The following ESRP1 variants were observed in gnomAD, a reference collection of about 807,000 sequenced individuals.
The protein encoded by ESRP1 is epithelial splicing regulatory protein 1.
In ESRP1, 33 loss-of-function variants were observed where a neutral mutation model predicts 81.7. The observed-to-expected ratio is 0.40, with a 90% confidence interval of 0.31 to 0.54. The LOEUF (loss-of-function observed/expected upper bound fraction) is 0.54. Ranked by LOEUF, ESRP1 falls within the 20% of genes least tolerant of loss-of-function variation. The probability of loss-of-function intolerance (pLI) is 0.41; values close to 1 mark genes in which losing one functional copy is unlikely to be tolerated. For synonymous variants in ESRP1, 320 were observed against 303.3 expected (o/e 1.06, Z -0.57); for missense variants, 672 against 833.1 (o/e 0.81, Z 2.38).
intron 10 of ESRP1, among the ~76,000 whole-genome samples, chr8:94,669,250 T>A (rs947174733): frequency 6.6e-6 from 1 of 152,330 alleles, no homozygotes; most frequent in African/African-American, 2.4e-5. Flanking sequence ...GTAGCATAAA[T>A]GGTATAGACT....
chr8:94,641,771 C>A, intron 1 of ESRP1, 185 bp from the exon 2 acceptor site: 1 of 872,612 alleles, frequency 1.1e-6, no homozygotes, highest in Non-Finnish European at 1.6e-6. Context: ...CTTTTCCGAC[C>A]TATCGGGTGG....
At chr8:94,695,040 C>G (rs1427355731) in intron 14 of ESRP1, among the ~76,000 whole-genome samples, 1 of 152,144 alleles carries the variant, frequency 6.6e-6, no homozygotes, top group African/African-American at 2.4e-5. Flanking sequence ...TTACATAAAA[C>G]GTGTATTTTC....
intron 4 of ESRP1, among the ~76,000 whole-genome samples, chr8:94,660,919 C>A (rs922712393): frequency 1.3e-5 from 2 of 152,074 alleles, no homozygotes; most frequent in African/African-American, 2.4e-5. Flanking sequence ...GCCATCCCAA[C>A]GTTTAGCAAC....
At position 94,656,344 on chromosome 8, in the gene ESRP1, G is replaced by A. The variant is rs534362160; in HGVS notation, c.491-5928G>A. 5 of 152,172 alleles carry A rather than the reference G, an allele frequency of 3.3e-5. No individual in the cohort carries two copies. The East Asian group carries it at 7.7e-4, about 24-fold the overall frequency. 9.4% of individuals were successfully genotyped at this position (152,172 alleles called of 1,614,324 possible). A position where few individuals can be genotyped will look rare whatever the true frequency, so the allele number is the denominator to read the frequency against. On this transcript the variant is annotated intron_variant, in intron 4 of 15. Transcript: ENST00000433389. ...AGCCATTCTCCTGCCTCAGCCTCCC[G>A]AGTAGCTGGGACTACAGGCGCGTGC... is the stretch of plus-strand genomic sequence containing the variant.
At chr8:94,643,239 G>T in intron 2 of ESRP1, 64 bp from the exon 3 acceptor site, 4 of 1,132,386 alleles carry the variant, frequency 3.5e-6, no homozygotes, top group Non-Finnish European at 5.3e-6. Flanking sequence ...ACCAAGGGGA[G>T]CTACTTTGCA....
intron 10 of ESRP1, among the ~76,000 whole-genome samples, chr8:94,669,875 A>C (rs1449463049): frequency 1.3e-5 from 1 of 77,594 alleles, no homozygotes; most frequent in South Asian, 3.6e-4. Flanking sequence ...TCCCGCTACC[A>C]AAAAAAAAAA....
chr8:94,675,159 A>C (rs2130652134), intron 12 of ESRP1, among the ~76,000 whole-genome samples: 1 of 142,498 alleles, frequency 7.0e-6, no homozygotes, highest in South Asian at 2.6e-4. Context: ...GAGGGGAATA[A>C]GCCCTGTAGT....
At chr8:94,690,707 C>T (rs72676941) in intron 13 of ESRP1, among the ~76,000 whole-genome samples, 5,726 of 152,094 alleles carry the variant, frequency 0.038, 177 homozygotes, top group Middle Eastern at 0.065. Context: ...TACTAGAGAC[C>T]TCAGGCTTAA....
chr8:94,646,138 G>T, intron 3 of ESRP1, 30 bp from the exon 4 acceptor site: 1 of 1,335,706 alleles, frequency 7.5e-7, no homozygotes, highest in Non-Finnish European at 1.1e-6. Flanking sequence ...AATTCACCTA[G>T]TTAACATTAT....
Position 94,705,902 on chromosome 8 carries a change from ACTTTT to A in ESRP1, c.*36-22_*36-18del. 1 of 1,207,576 alleles carries A rather than the reference ACTTTT, an allele frequency of 8.3e-7. No homozygotes were observed. Among genetic ancestry groups the A allele is most frequent in the Admixed American group, 3.4e-5 (1 of 29,544 alleles). 74.8% of individuals were successfully genotyped at this position (1,207,576 alleles called of 1,614,324 possible). On this transcript the variant is annotated intron_variant, in intron 15 of 15. Coordinates refer to ENST00000433389, the MANE Select transcript of ESRP1 (RefSeq NM_017697.4). ...GAGACTATAACATTTCCTTTTATTC[ACTTTT>A]TTTTTTTTTTTTTTCAGTGTTTGAA...
chr8:94,694,655 T>C (rs953145495), intron 14 of ESRP1, among the ~76,000 whole-genome samples: 9 of 152,212 alleles, frequency 5.9e-5, no homozygotes, highest in African/African-American at 9.6e-5. Flanking sequence ...ACCACAACCA[T>C]GCAATCGGGA....
chr8:94,684,499 A>G (rs1218545032), intron 13 of ESRP1, among the ~76,000 whole-genome samples: 1 of 152,218 alleles, frequency 6.6e-6, no homozygotes, highest in East Asian at 1.9e-4. Context: ...TAGGTTTTAC[A>G]CTGGCAAGGA....
At chr8:94,683,909 G>A (rs538053277) in intron 13 of ESRP1, among the ~76,000 whole-genome samples, 20 of 152,224 alleles carry the variant, frequency 1.3e-4, no homozygotes, top group African/African-American at 3.1e-4. Flanking sequence ...CTTCAATGGC[G>A]CGATCTCAGC....
At chr8:94,705,250 C>T (rs372820523) in intron 15 of ESRP1, among the ~76,000 whole-genome samples, 78 of 147,064 alleles carry the variant, frequency 5.3e-4, no homozygotes, top group African/African-American at 1.9e-3. Flanking sequence ...TCACTGTAAC[C>T]TCCACCTCCC....
intron 15 of ESRP1, among the ~76,000 whole-genome samples, chr8:94,704,086 C>A (rs975145022): frequency 1.2e-4 from 18 of 151,756 alleles, no homozygotes; most frequent in Non-Finnish European, 2.2e-4. Context: ...TTTTTAAATA[C>A]CTGATATTAG....
At chr8:94,665,935 G>A (rs1287453600) in intron 9 of ESRP1, among the ~76,000 whole-genome samples, 2 of 152,170 alleles carry the variant, frequency 1.3e-5, no homozygotes, top group African/African-American at 4.8e-5. Flanking sequence ...TTTGGGTCTC[G>A]TAGTATTTTT....
chr8:94,681,218 T>C (rs1303767723), intron 13 of ESRP1, among the ~76,000 whole-genome samples: 1 of 146,124 alleles, frequency 6.8e-6, no homozygotes, highest in Non-Finnish European at 1.5e-5. Flanking sequence ...CCCAGCTACT[T>C]GGGAGGCTGA....
chr8:94,682,999 C>A, intron 13 of ESRP1, among the ~76,000 whole-genome samples: 1 of 114,726 alleles, frequency 8.7e-6, no homozygotes, highest in African/African-American at 3.5e-5. Flanking sequence ...GGCTGGAATG[C>A]AGTGGCACAA....
chr8:94,646,688 C>T lies in ESRP1; in HGVS notation c.490+406C>T, dbSNP rs540185010. Among the ~76,000 whole-genome samples the T allele has an allele frequency of 1.6e-3, 245 of 152,130 alleles. 7 individuals are homozygous for T. In the South Asian group the frequency reaches 0.05, roughly 31 times the overall value. On this transcript the variant is annotated intron_variant, in intron 4 of 15. Coordinates refer to ENST00000433389, the MANE Select transcript of ESRP1 (RefSeq NM_017697.4). Reference sequence around the variant, plus strand: ...ATTTTTTTAATTGGTGGATATATCCCCTTTACAAACTGCTGTTCACTGGTC... The same window carrying T: ...ATTTTTTTAATTGGTGGATATATCCTCTTTACAAACTGCTGTTCACTGGTC...
Sources: allele counts gnomAD v4.1 joint callset (sites outside exome capture counted in the v4.1 genomes callset), GRCh38; gene constraint gnomAD v4.1.1; transcripts MANE v1.5; gene names NCBI Gene and HGNC (gene_info 2026-07-23, HGNC 2026-07-21).